Variants in GALNT9 observed in about 807,000 individuals in gnomAD.
The protein encoded by GALNT9 is GalNAc transferase 9.
In GALNT9, 47 loss-of-function variants were observed where a neutral mutation model predicts 63.1. That is an observed-to-expected ratio of 0.75 (90% CI 0.59 to 0.95). The LOEUF (loss-of-function observed/expected upper bound fraction) is 0.95. Among genes scored for constraint, GALNT9 ranks in the 40% least tolerant of loss-of-function variants. GALNT9 has a pLI of 0.00. For synonymous variants in GALNT9, 396 were observed against 365.7 expected (o/e 1.08, Z -0.94); for missense variants, 829 against 874.8 (o/e 0.95, Z 0.66).
intron 1 of GALNT9, among the ~76,000 whole-genome samples, chr12:132,308,906 G>A (rs1325968952): frequency 6.6e-6 from 1 of 151,254 alleles, no homozygotes; most frequent in African/African-American, 2.4e-5. Context: ...CCTCACCCAC[G>A]GGGCTCGGGA....
At chr12:132,257,371 C>A (rs113797208) in intron 5 of GALNT9, among the ~76,000 whole-genome samples, 77 of 151,332 alleles carry the variant, frequency 5.1e-4, no homozygotes, top group African/African-American at 1.2e-3. Flanking sequence ...CCCGGCCCGA[C>A]ACTCACCGTG....
chr12:132,290,995 A>T (rs1309680652), intron 1 of GALNT9, among the ~76,000 whole-genome samples: 2 of 38,988 alleles, frequency 5.1e-5, no homozygotes, highest in Non-Finnish European at 5.0e-5. Context: ...AGCACCCACA[A>T]CCACAGTGCC....
rs1353842195 is a variant in GALNT9, at chr12:132,327,729, G to T, written c.238+1237C>A. The stretch of plus-strand genomic sequence containing the variant: ...TGCGGGAAAGTCAGGGATTCTGTGG[G>T]TGATGGGAAGGCGCTCAGGAAGTCA... On this transcript the variant is annotated intron_variant, in intron 1 of 10. Coordinates refer to ENST00000328957, the MANE Select transcript of GALNT9 (RefSeq NM_001122636.2). The surrounding 1 kb of genome is among the most constrained non-coding windows in gnomAD (Gnocchi z 4.3). Among the ~76,000 whole-genome samples the T allele has an allele frequency of 2.0e-5, 3 of 152,134 alleles. No homozygotes were observed. The highest frequency in any genetic ancestry group is 4.4e-5 in the Non-Finnish European group (3 of 68,024).
chr12:132,270,072 C>A (rs1879810882), intron 2 of GALNT9, among the ~76,000 whole-genome samples: 1 of 152,224 alleles, frequency 6.6e-6, no homozygotes, highest in Admixed American at 6.5e-5. Flanking sequence ...GTTATTCCAA[C>A]AAGAACAAGT....
intron 6 of GALNT9, among the ~76,000 whole-genome samples, chr12:132,231,005 G>A (rs1039577148): frequency 2.6e-4 from 38 of 144,884 alleles, no homozygotes; most frequent in South Asian, 8.7e-4. Context: ...AGGAGACAGC[G>A]TGGAGTCCCT....
At chr12:132,212,159 C>A (rs114719756) in intron 6 of GALNT9, among the ~76,000 whole-genome samples, 2 of 147,936 alleles carry the variant, frequency 1.4e-5, no homozygotes, top group Non-Finnish European at 3.0e-5. Flanking sequence ...CTTCACACCA[C>A]GACACGGAAA....
At chr12:132,324,459 G>T (rs28743141) in intron 1 of GALNT9, among the ~76,000 whole-genome samples, 18,191 of 152,272 alleles carry the variant, frequency 0.12, 1,227 homozygotes, top group Admixed American at 0.17. Flanking sequence ...CGCTGTCCTC[G>T]TACGGCTGAC....
chr12:132,272,395 C>T (rs1437692592), intron 2 of GALNT9, among the ~76,000 whole-genome samples: 2 of 152,238 alleles, frequency 1.3e-5, no homozygotes, highest in African/African-American at 2.4e-5. Context: ...AATATCACAG[C>T]GCCACCACCC....
intron 2 of GALNT9, among the ~76,000 whole-genome samples, chr12:132,263,050 T>C (rs1555239922): frequency 6.6e-6 from 1 of 150,396 alleles, no homozygotes; most frequent in Non-Finnish European, 1.5e-5. Flanking sequence ...CTGTGGGCCA[T>C]GAGTGCAGGT....
At chr12:132,264,283 G>T (rs112062672) in intron 2 of GALNT9, among the ~76,000 whole-genome samples, 1 of 152,238 alleles carries the variant, frequency 6.6e-6, no homozygotes, top group African/African-American at 2.4e-5. Context: ...GCGGAGAAGC[G>T]TGTGAGGAGC....
chr12:132,322,024 G>A (rs1179191874), intron 1 of GALNT9, among the ~76,000 whole-genome samples: 6 of 138,392 alleles, frequency 4.3e-5, no homozygotes, highest in South Asian at 2.3e-4. Flanking sequence ...GTCTCTCCTC[G>A]TCTTAGAAGG....
Position 132,230,398 on chromosome 12 carries a change from ACAAAC to A in GALNT9, c.1077+17507_1077+17511del, listed in dbSNP as rs1877845961. Among the ~76,000 whole-genome samples, 3 of 152,362 alleles carry A rather than the reference ACAAAC, an allele frequency of 2.0e-5. No homozygotes were observed. In the South Asian group the frequency reaches 6.2e-4, roughly 32 times the overall value. ...GCTACAAGGCAAAAGGAGCTGGGGT[ACAAAC>A]CAACTGCAGGGGGGTTTGGTGGGTC... On this transcript the variant is annotated intron_variant, in intron 6 of 10. Transcript: ENST00000328957.
rs375104041 is a variant in GALNT9 at position 132,248,012 on chromosome 12, G to A, written c.975C>T (p.Ile325=). The change falls in exon 6 of 11, where the codon ATC becomes ATT. Residue 325 remains isoleucine, a synonymous_variant. Coordinates refer to ENST00000328957, the MANE Select transcript of GALNT9 (RefSeq NM_001122636.2). ...CGCGGTCCACTACGAAGGAGCAGCC[G>A]ATCATGGCTGGGGTCCTGGGAGGCA... ...ESAPIRTPAM[I]GCSFVVDREY... The A allele has an allele frequency of 1.0e-4, 156 of 1,551,050 alleles. No homozygotes were observed. The highest frequency in any genetic ancestry group is 3.9e-4 in the East Asian group (16 of 40,920).
chr12:132,209,522 C>A (rs1876867198), intron 6 of GALNT9, among the ~76,000 whole-genome samples: 1 of 152,124 alleles, frequency 6.6e-6, no homozygotes, highest in African/African-American at 2.4e-5. Context: ...TGCACTCCAG[C>A]CTGAGTGACA....
At chr12:132,254,430 T>A (rs781852054) in intron 5 of GALNT9, among the ~76,000 whole-genome samples, 2 of 152,232 alleles carry the variant, frequency 1.3e-5, no homozygotes, top group Middle Eastern at 3.2e-3. Context: ...GTCCTTCTTA[T>A]TTTTTTCTCT....
chr12:132,200,946 C>T, intron 8 of GALNT9, 178 bp downstream of exon 8: 1 of 610,266 alleles, frequency 1.6e-6, no homozygotes. Context: ...ACCGTGAATG[C>T]ACACGTGTGT....
chr12:132,284,454 T>C (rs1880508195), intron 2 of GALNT9: 1 of 152,280 alleles, frequency 6.6e-6, no homozygotes, highest in Admixed American at 6.5e-5. Flanking sequence ...ATGGAGCATG[T>C]TTCTTTAAAC....
At chr12:132,199,545 T>G (rs905156198) in intron 8 of GALNT9, among the ~76,000 whole-genome samples, 12 of 152,156 alleles carry the variant, frequency 7.9e-5, no homozygotes, top group Non-Finnish European at 1.5e-4. Context: ...GGCCCCAGGC[T>G]GTGGAGTGGC....
chr12:132,197,001 TAG>T lies in GALNT9; in HGVS notation c.*104_*105del. ...CAGCCTCTGCTGTCCTGGCCGCACA[TAG>T]AGCCCTGTCCTGCTGTGTCTGCCGG... On this transcript the variant is annotated 3_prime_UTR_variant, in exon 11 of 11. Transcript: ENST00000328957. 1 of 1,542,216 alleles carries T rather than the reference TAG, an allele frequency of 6.5e-7. No homozygotes were observed.
Sources: gnomAD v4.1 joint callset for allele counts (sites outside exome capture counted in the v4.1 genomes callset) on GRCh38, gnomAD v4.1.1 for gene constraint, Gnocchi (gnomAD v3.1) non-coding constraint, MANE v1.5 for transcripts, NCBI Gene and HGNC (gene_info 2026-07-23, HGNC 2026-07-21) for gene names.